Variants in EGFR observed in about 807,000 individuals in gnomAD.
EGFR encodes avian erythroblastic leukemia viral (v-erb-b) oncogene homolog.
Under a neutral mutation model 143.0 loss-of-function variants are expected in EGFR, and 58 were observed. That is an observed-to-expected ratio of 0.41 (90% confidence interval 0.33 to 0.50). The LOEUF is 0.50. Among genes scored for constraint, EGFR ranks in the 20% least tolerant of loss-of-function variants. The pLI is 0.39. For synonymous variants in EGFR, 613 were observed against 594.4 expected, an observed-to-expected ratio of 1.03 and a Z score of -0.45; for missense variants, 1,307 against 1,579.0, an observed-to-expected ratio of 0.83 and a Z score of 2.92.
Position 55,142,495 on chromosome 7 carries a change from G to A in EGFR, c.240+58G>A, listed in dbSNP as rs17336331. Reference sequence around the variant, plus strand: ...ATTGGAGAAAATCTAAGTGGAGAAAGGCCTGGGCAGAATTCCACTTGAAGT... The same window carrying A: ...ATTGGAGAAAATCTAAGTGGAGAAAAGCCTGGGCAGAATTCCACTTGAAGT... On this transcript the variant is annotated intron_variant, in intron 2 of 27. Transcript: ENST00000275493. The A allele has an allele frequency of 0.043, 68,903 of 1,598,964 alleles. 1,797 individuals carry two copies. Among genetic ancestry groups the A allele is most frequent in the Non-Finnish European group, 0.049 (57,713 of 1,172,046 alleles).
chr7:55,105,862 T>C (rs1222881860), intron 1 of EGFR, among the ~76,000 whole-genome samples: 1 of 152,222 alleles, frequency 6.6e-6, no homozygotes, highest in African/African-American at 2.4e-5. Flanking sequence ...TAAGACATAA[T>C]TTAAGACAAA....
rs116503135 is a variant in EGFR at position 55,050,037 on chromosome 7, C to A, written c.88+30672C>A. Among the ~76,000 whole-genome samples the A allele has an allele frequency of 9.5e-3, 1,452 of 152,292 alleles. 26 individuals are homozygous for A. The highest frequency in any genetic ancestry group is 0.033 in the African/African-American group (1,379 of 41,552). On this transcript the variant is annotated intron_variant, in intron 1 of 27. Transcript: ENST00000275493. Reference sequence around the variant, plus strand: ...CTTCTGCCAAGCCTCCTCTCCTCAGCTCTTCCCTTCCTCTCTCTTTTTGAA... The same window carrying A: ...CTTCTGCCAAGCCTCCTCTCCTCAGATCTTCCCTTCCTCTCTCTTTTTGAA...
At chr7:55,087,546 G>A (rs1213856623) in intron 1 of EGFR, among the ~76,000 whole-genome samples, 2 of 152,188 alleles carry the variant, frequency 1.3e-5, no homozygotes, top group Non-Finnish European at 2.9e-5. Flanking sequence ...AAAAGGTATG[G>A]CAAAATGTGT....
Position 55,041,417 on chromosome 7 carries a change from A to C in EGFR, c.88+22052A>C, listed in dbSNP as rs192321844. On this transcript the variant is annotated intron_variant, in intron 1 of 27. Transcript: ENST00000275493. ...AAGAGCGACACTCCATCGCAAAAAA[A>C]AAAGAAGTAAGAAGTTTTACATAAA... Among the ~76,000 whole-genome samples, 362 of 152,288 alleles carry C rather than the reference A, an allele frequency of 2.4e-3. 2 individuals carry two copies. Among genetic ancestry groups the C allele is most frequent in the East Asian group, 0.017 (87 of 5,178 alleles).
chr7:55,053,934 G>A (rs1158742079), intron 1 of EGFR, among the ~76,000 whole-genome samples: 1 of 152,242 alleles, frequency 6.6e-6, no homozygotes, highest in African/African-American at 2.4e-5. Context: ...TCAGGAGACA[G>A]TGATGATTTC....
At chr7:55,035,398 T>C (rs1787498300) in intron 1 of EGFR, among the ~76,000 whole-genome samples, 1 of 151,800 alleles carries the variant, frequency 6.6e-6, no homozygotes, top group African/African-American at 2.4e-5. Flanking sequence ...GTGTGGTGGC[T>C]CACACCTGTA....
intron 20 of EGFR, among the ~76,000 whole-genome samples, chr7:55,185,213 G>T (rs1787078095): frequency 6.6e-6 from 1 of 152,210 alleles, no homozygotes; most frequent in South Asian, 2.1e-4. Flanking sequence ...GACCATGAGA[G>T]AGACATCCCT....
chr7:55,160,664 C>G lies in EGFR; in HGVS notation c.1498+326C>G, dbSNP rs142517190. ...TCATTTCAGCCTGTAAAGACTACAGCTACACACATACACACACAGAGGAAT... is the reference window on the plus strand; with the variant it reads ...TCATTTCAGCCTGTAAAGACTACAGGTACACACATACACACACAGAGGAAT... On this transcript the variant is annotated intron_variant, in intron 12 of 27. Transcript: ENST00000275493. Among the ~76,000 whole-genome samples the G allele has an allele frequency of 1.0e-3, 152 of 152,336 alleles. 1 individual carries two copies. Among genetic ancestry groups the G allele is most frequent in the African/African-American group, 3.3e-3 (137 of 41,574 alleles).
chr7:55,102,881 G>A (rs779814680), intron 1 of EGFR, among the ~76,000 whole-genome samples: 2 of 152,180 alleles, frequency 1.3e-5, no homozygotes, highest in Admixed American at 6.5e-5. Flanking sequence ...AAAGCATGGA[G>A]GAGAGGGAAA....
At chr7:55,108,771 A>G (rs1437604497) in intron 1 of EGFR, among the ~76,000 whole-genome samples, 1 of 152,212 alleles carries the variant, frequency 6.6e-6, no homozygotes, top group Non-Finnish European at 1.5e-5. Flanking sequence ...ATTCGATTTA[A>G]TCTGTAGGAC....
Position 55,142,343 on chromosome 7 carries a change from T to C in EGFR, c.146T>C (p.Leu49Pro). ...TQLGTFEDHF[L>P]SLQRMFNNCE... ...TTGGGCACTTTTGAAGATCATTTTC[T>C]CAGCCTCCAGAGGATGTTCAATAAC... Residue 49 changes from leucine (L) to proline (P), a missense_variant, in exon 2 of 28, where the codon CTC becomes CCC. Coordinates refer to ENST00000275493, the MANE Select transcript of EGFR (RefSeq NM_005228.5). 1 of 1,614,250 alleles carries C rather than the reference T, an allele frequency of 6.2e-7. No individual in the cohort carries two copies. Among genetic ancestry groups the C allele is most frequent in the Non-Finnish European group, 8.5e-7 (1 of 1,180,026 alleles).
At chr7:55,142,263 T>G in intron 1 of EGFR, 23 bp from the exon 2 acceptor site, 4 of 1,614,098 alleles carry the variant, frequency 2.5e-6, no homozygotes, top group Non-Finnish European at 3.4e-6. Context: ...GTATTTCATG[T>G]GATATCTGTC....
At chr7:55,101,106 A>G (rs1791793161) in intron 1 of EGFR, among the ~76,000 whole-genome samples, 1 of 152,130 alleles carries the variant, frequency 6.6e-6, no homozygotes, top group African/African-American at 2.4e-5. Context: ...GCTCCTTCTG[A>G]CAACCTCTGC....
intron 1 of EGFR, among the ~76,000 whole-genome samples, chr7:55,057,581 C>T (rs1788904430): frequency 1.3e-5 from 2 of 152,220 alleles, no homozygotes; most frequent in Non-Finnish European, 2.9e-5. Context: ...TTCATTAGAA[C>T]ATATTATTTG....
chr7:55,190,567 T>A (rs1484828676), intron 20 of EGFR, among the ~76,000 whole-genome samples: 1 of 151,992 alleles, frequency 6.6e-6, no homozygotes, highest in African/African-American at 2.4e-5. Flanking sequence ...CATCTACAGC[T>A]TTTCCCTGCA....
At chr7:55,153,950 T>A (rs1160110195) in intron 6 of EGFR, 61 bp from the exon 7 acceptor site, 1 of 1,612,366 alleles carries the variant, frequency 6.2e-7, no homozygotes, top group African/African-American at 1.3e-5. Context: ...CTGCGCTTCC[T>A]CCGTGTGTGG....
intron 4 of EGFR, among the ~76,000 whole-genome samples, chr7:55,150,497 G>T (rs886215938): frequency 6.6e-6 from 1 of 152,166 alleles, no homozygotes; most frequent in Non-Finnish European, 1.5e-5. Flanking sequence ...CTTCCTGACT[G>T]CAGGGGACCT....
chr7:55,138,037 G>A (rs780976640), intron 1 of EGFR, among the ~76,000 whole-genome samples: 13 of 152,172 alleles, frequency 8.5e-5, no homozygotes, highest in Non-Finnish European at 1.3e-4. Context: ...CCAATGTGAA[G>A]TATAGTGATA....
intron 1 of EGFR, among the ~76,000 whole-genome samples, chr7:55,065,024 A>G (rs912663628): frequency 1.3e-5 from 2 of 152,216 alleles, no homozygotes; most frequent in African/African-American, 4.8e-5. Context: ...CACTATAGTG[A>G]ATTTTTTAGA....
Sources: allele counts gnomAD v4.1 joint callset (sites outside exome capture counted in the v4.1 genomes callset), GRCh38; gene constraint gnomAD v4.1.1; transcripts MANE v1.5; gene names NCBI Gene and HGNC (gene_info 2026-07-23, HGNC 2026-07-21).